Variants in GMDS observed in about 807,000 individuals in gnomAD.
GMDS encodes GDP-mannose 4,6 dehydratase.
A neutral mutation model predicts 49.9 loss-of-function variants in GMDS; 20 were observed. That is an observed-to-expected ratio of 0.40 (90% CI 0.28 to 0.58). GMDS has a LOEUF of 0.58. Ranked by LOEUF, GMDS falls within the 20% of genes least tolerant of loss-of-function variation. The pLI, the probability that GMDS is intolerant of heterozygous loss-of-function variation, is 0.42. For synonymous variants in GMDS, 177 were observed against 178.6 expected (o/e 0.99, Z 0.07); for missense variants, 362 against 481.4 (o/e 0.75, Z 2.32).
intron 1 of GMDS, among the ~76,000 whole-genome samples, chr6:2,177,424 A>C (rs1165785921): frequency 6.6e-6 from 1 of 152,204 alleles, no homozygotes; most frequent in African/African-American, 2.4e-5. Flanking sequence ...TATCCCTGAT[A>C]AACAGACATA....
chr6:2,049,596 G>A (rs1770255459), intron 4 of GMDS, among the ~76,000 whole-genome samples: 1 of 152,156 alleles, frequency 6.6e-6, no homozygotes, highest in Non-Finnish European at 1.5e-5. Flanking sequence ...TTAAGATGGT[G>A]AGCTTGCCCT....
intron 1 of GMDS, among the ~76,000 whole-genome samples, chr6:2,222,532 T>C (rs1400053146): frequency 6.6e-6 from 1 of 152,218 alleles, no homozygotes; most frequent in Non-Finnish European, 1.5e-5. Context: ...TGAGGCATAC[T>C]GATTCTGTTA....
intron 7 of GMDS, among the ~76,000 whole-genome samples, chr6:1,928,907 T>C (rs2181634): frequency 0.41 from 62,179 of 151,868 alleles, 13,329 homozygotes; most frequent in Middle Eastern, 0.48. Context: ...AGGCCGAGGT[T>C]GTAGTGAGGC....
intron 8 of GMDS, among the ~76,000 whole-genome samples, chr6:1,730,529 C>T (rs530902592): frequency 1.3e-5 from 2 of 152,318 alleles, no homozygotes; most frequent in Non-Finnish European, 2.9e-5. Flanking sequence ...CACTGCCTCA[C>T]CCTCCCTGAG....
intron 7 of GMDS, among the ~76,000 whole-genome samples, chr6:1,769,221 A>T (rs1768477682): frequency 6.6e-6 from 1 of 152,236 alleles, no homozygotes; most frequent in Non-Finnish European, 1.5e-5. Flanking sequence ...GTTTACGGAG[A>T]TAAAGAGGAA....
At chr6:1,685,119 G>A (rs1295039586) in intron 9 of GMDS, among the ~76,000 whole-genome samples, 1 of 152,128 alleles carries the variant, frequency 6.6e-6, no homozygotes, top group Admixed American at 6.5e-5. Context: ...AGAGGAGGCT[G>A]AGTGCGGTGG....
In GMDS at chr6:1,948,592, G is replaced by C. The variant is rs1445216418; in HGVS notation, c.643+11275C>G. On this transcript the variant is annotated intron_variant, in intron 6 of 10. Coordinates refer to ENST00000380815, the MANE Select transcript of GMDS (RefSeq NM_001500.4). ...GGATCTCTCGAGCCCAGGAGTCCGA[G>C]GCTGCAGTGAACTATGATCACCGCT... Among the ~76,000 whole-genome samples, 2 of 152,098 alleles carry C rather than the reference G, an allele frequency of 1.3e-5. 1 individual carries two copies. Among genetic ancestry groups the C allele is most frequent in the African/African-American group, 4.8e-5 (2 of 41,392 alleles).
At chr6:2,057,564 T>C (rs1770852882) in intron 4 of GMDS, among the ~76,000 whole-genome samples, 1 of 152,214 alleles carries the variant, frequency 6.6e-6, no homozygotes, top group South Asian at 2.1e-4. Context: ...CACCAATATC[T>C]ATTCTCAAAA....
At chr6:2,066,614 C>T (rs1771612717) in intron 4 of GMDS, among the ~76,000 whole-genome samples, 1 of 152,016 alleles carries the variant, frequency 6.6e-6, no homozygotes, top group Admixed American at 6.6e-5. Flanking sequence ...GGTTGCAATC[C>T]TAGTCTCTGA....
intron 4 of GMDS, among the ~76,000 whole-genome samples, chr6:1,987,364 CT>C (rs1765618836): frequency 6.6e-6 from 1 of 152,080 alleles, no homozygotes; most frequent in South Asian, 2.1e-4. Flanking sequence ...TGCTGTGTCT[CT>C]CAATTGGTAT....
chr6:1,985,806 A>G (rs1765510386), intron 4 of GMDS, among the ~76,000 whole-genome samples: 1 of 152,162 alleles, frequency 6.6e-6, no homozygotes, highest in Non-Finnish European at 1.5e-5. Flanking sequence ...GTGACCACAC[A>G]AGGAAGAGGC....
chr6:1,670,751 A>ACTTCAG (rs1764395344), intron 9 of GMDS, among the ~76,000 whole-genome samples: 1 of 151,938 alleles, frequency 6.6e-6, no homozygotes, highest in Non-Finnish European at 1.5e-5. Context: ...CTTCAGCCAT[A>ACTTCAG]CTTTTAGTTT....
Position 1,783,317 on chromosome 6 carries a change from T to C in GMDS, c.772-40731A>G, listed in dbSNP as rs6918483. On this transcript the variant is annotated intron_variant, in intron 7 of 10. Coordinates refer to ENST00000380815, the MANE Select transcript of GMDS (RefSeq NM_001500.4). ...TATCCCTTCCTTTGGGAGATCTTGC[T>C]CCTGAGGTTCCACGGGGTGCAGGTG... Among the ~76,000 whole-genome samples the C allele has an allele frequency of 4.5e-3, 680 of 152,334 alleles. 3 individuals are homozygous for C. The highest frequency in any genetic ancestry group is 0.016 in the African/African-American group (646 of 41,582).
At chr6:2,244,201 G>T (rs935553417) in intron 1 of GMDS, among the ~76,000 whole-genome samples, 3 of 151,962 alleles carry the variant, frequency 2.0e-5, no homozygotes, top group Admixed American at 2.0e-4. Flanking sequence ...AGAGAACTTT[G>T]AGAGTGGTTT....
At chr6:1,709,215 C>G (rs999639206) in intron 9 of GMDS, among the ~76,000 whole-genome samples, 3 of 152,198 alleles carry the variant, frequency 2.0e-5, no homozygotes, top group Non-Finnish European at 4.4e-5. Flanking sequence ...TGCCAGCCAC[C>G]CTTGTAGTGC....
intron 9 of GMDS, among the ~76,000 whole-genome samples, chr6:1,636,119 GT>G (rs1763140613): frequency 6.6e-6 from 1 of 152,218 alleles, no homozygotes; most frequent in Admixed American, 6.5e-5. Flanking sequence ...TTCCAGGAAT[GT>G]CTGCATCTCT....
At chr6:1,684,867 T>C (rs979739107) in intron 9 of GMDS, among the ~76,000 whole-genome samples, 2 of 152,132 alleles carry the variant, frequency 1.3e-5, no homozygotes, top group Non-Finnish European at 2.9e-5. Flanking sequence ...ACCAAGTAAA[T>C]ATACACAGTA....
intron 9 of GMDS, among the ~76,000 whole-genome samples, chr6:1,721,971 T>C (rs1240888333): frequency 6.6e-6 from 1 of 151,986 alleles, no homozygotes; most frequent in Non-Finnish European, 1.5e-5. Flanking sequence ...TATGTTTCAT[T>C]ATCCATTTTT....
chr6:2,100,736 TA>T (rs1016345463), intron 4 of GMDS, among the ~76,000 whole-genome samples: 59 of 152,094 alleles, frequency 3.9e-4, no homozygotes, highest in African/African-American at 1.2e-3. Flanking sequence ...AAACATGTGA[TA>T]GGGGCACTAC....
Sources: gnomAD v4.1 joint callset for allele counts (sites outside exome capture counted in the v4.1 genomes callset) on GRCh38, gnomAD v4.1.1 for gene constraint, MANE v1.5 for transcripts, NCBI Gene and HGNC (gene_info 2026-07-23, HGNC 2026-07-21) for gene names.